INSR: variants seen among roughly 807,000 people sequenced by gnomAD.
INSR encodes the protein IR.
INSR carries 67 observed loss-of-function variants against 142.6 expected under a neutral mutation model. The observed-to-expected ratio is 0.47, with a 90% confidence interval of 0.39 to 0.58. The LOEUF (loss-of-function observed/expected upper bound fraction) is 0.58. INSR is among the 20% of genes least tolerant of loss of function. INSR has a pLI of 0.00. For missense variants in INSR, 1,248 were observed against 1,833.2 expected (o/e 0.68, Z 5.83); for synonymous variants, 756 against 743.1 (o/e 1.02, Z -0.28).
At chr19:7,244,170 T>C (rs1205205079) in intron 2 of INSR, among the ~76,000 whole-genome samples, 1 of 152,160 alleles carries the variant, frequency 6.6e-6, no homozygotes, top group African/African-American at 2.4e-5. Context: ...AACTCTGTGA[T>C]ACAGAAATCA....
intron 8 of INSR, among the ~76,000 whole-genome samples, chr19:7,163,948 A>AAAAAAAAAAAAAAAAATATATATATATAT (rs1411048837): frequency 3.7e-5 from 5 of 136,138 alleles, no homozygotes; most frequent in African/African-American, 1.6e-4. Flanking sequence ...AAAAAAAAAA[A>AAAAAAAAAAAAAAAAATATATATATATAT]ATTAGCTGGA....
At chr19:7,229,468 C>G (rs1233931147) in intron 2 of INSR, among the ~76,000 whole-genome samples, 2 of 152,172 alleles carry the variant, frequency 1.3e-5, no homozygotes, top group Non-Finnish European at 2.9e-5. Flanking sequence ...AGCAAAATCA[C>G]AAAACATTTC....
In INSR at chr19:7,294,151, G is replaced by A. The variant is rs567923154; in HGVS notation, c.-260C>T. On this transcript the variant is annotated 5_prime_UTR_variant, in exon 1 of 22. Transcript: ENST00000302850. ...CGACCCCCCGGCCGCTGCGGCCCGG[G>A]CCCCGTCCCAGGATCTCGGGGCCCG... is the stretch of plus-strand genomic sequence containing the variant. The A allele has an allele frequency of 3.8e-5, 7 of 182,692 alleles. 1 individual carries two copies. Among genetic ancestry groups the A allele is most frequent in the Admixed American group, 3.7e-4 (6 of 16,026 alleles). The allele number at this position is 182,692 out of a possible 1,614,324, so 11.3% of individuals were successfully genotyped here.
At chr19:7,122,507 C>G in intron 19 of INSR, 107 bp downstream of exon 19, 2 of 1,198,214 alleles carry the variant, frequency 1.7e-6, no homozygotes, top group Admixed American at 3.5e-5. Context: ...AGTATCTTGC[C>G]CCTTTATATT....
chr19:7,122,828 A>G (rs1972526506), intron 18 of INSR, 51 bp downstream of exon 18: 3 of 1,612,490 alleles, frequency 1.9e-6, no homozygotes, highest in Non-Finnish European at 2.5e-6. Context: ...CGAGGAGGCC[A>G]GGAGCGGGTG....
chr19:7,150,480 G>A lies in INSR; in HGVS notation c.2267+17C>T, dbSNP rs41509747. The A allele has an allele frequency of 0.012, 18,897 of 1,613,058 alleles. 1,062 individuals carry two copies. The African/African-American group carries it at 0.14, about 12-fold the overall frequency. On this transcript the variant is annotated intron_variant, in intron 11 of 21. Transcript: ENST00000302850. The surrounding 1 kb of genome is among the most constrained non-coding windows in gnomAD (Gnocchi z 4.2). ...CTGCGCGGAGCAGGCACCAGGGGTC[G>A]CACAGGTGAGTCATACCTAGGGTCC...
At chr19:7,242,018 G>T (rs1462442684) in intron 2 of INSR, among the ~76,000 whole-genome samples, 1 of 151,998 alleles carries the variant, frequency 6.6e-6, no homozygotes, top group African/African-American at 2.4e-5. Flanking sequence ...CAGGTATGGT[G>T]GTATGCACCT....
rs188879994 is a variant in INSR at position 7,200,392 on chromosome 19, C to T, written c.653-15755G>A. 2.5e-3 allele frequency among the ~76,000 whole-genome samples: 383 copies of T among 152,166 alleles called. 2 individuals carry two copies. Among genetic ancestry groups the T allele is most frequent in the Non-Finnish European group, 2.4e-3 (165 of 68,006 alleles). Reference sequence around the variant, plus strand: ...ACAGCAAACCAAAAAGACAGGTGCTCACATGTGGACAATCTGGGTTTGAGG... The same window carrying T: ...ACAGCAAACCAAAAAGACAGGTGCTTACATGTGGACAATCTGGGTTTGAGG... On this transcript the variant is annotated intron_variant, in intron 2 of 21. Coordinates refer to ENST00000302850, the MANE Select transcript of INSR (RefSeq NM_000208.4).
chr19:7,247,488 C>T (rs1976572261), intron 2 of INSR, among the ~76,000 whole-genome samples: 1 of 152,092 alleles, frequency 6.6e-6, no homozygotes, highest in Admixed American at 6.6e-5. Context: ...CTCTCTATTC[C>T]AGGGACTCTC....
chr19:7,172,255 G>C, intron 5 of INSR, 35 bp downstream of exon 5: 2 of 1,611,728 alleles, frequency 1.2e-6, no homozygotes, highest in Non-Finnish European at 1.7e-6. Context: ...TTCCTAGTTA[G>C]CACTCAGGCC....
intron 2 of INSR, among the ~76,000 whole-genome samples, chr19:7,222,488 C>T (rs1050183988): frequency 2.6e-5 from 4 of 152,052 alleles, no homozygotes; most frequent in Non-Finnish European, 4.4e-5. Flanking sequence ...CAAACTCCTG[C>T]GGTCAAGCAA....
At position 7,143,007 on chromosome 19, in the gene INSR, G is replaced by A. The variant is rs753688285; in HGVS notation, c.2351C>T (p.Ser784Phe). ...VPTVAAFPNT[S>F]STSVPTSPEE... ...CGGACTCGTGGGCACGCTGGTCGAG[G>A]AAGTGTTGGGGAAAGCTGCCACCGT... The change falls in exon 12 of 22, where the codon TCC becomes TTC. Residue 784 changes from serine to phenylalanine, a missense_variant. Coordinates refer to ENST00000302850, the MANE Select transcript of INSR (RefSeq NM_000208.4). 4 of 1,614,058 alleles carry A rather than the reference G, an allele frequency of 2.5e-6. No individual in the cohort carries two copies. The Admixed American group carries it at 6.7e-5, about 27-fold the overall frequency.
intron 2 of INSR, among the ~76,000 whole-genome samples, chr19:7,215,323 G>A (rs929220744): frequency 2.0e-5 from 3 of 152,104 alleles, no homozygotes; most frequent in African/African-American, 7.2e-5. Flanking sequence ...TATGCCCCTT[G>A]TGTCACTGTC....
chr19:7,221,125 G>A (rs1167389441), intron 2 of INSR, among the ~76,000 whole-genome samples: 1 of 152,168 alleles, frequency 6.6e-6, no homozygotes, highest in African/African-American at 2.4e-5. Context: ...TGTAATCCCA[G>A]CACTTTGGGA....
chr19:7,114,964 A>AAAT lies in INSR; in HGVS notation c.*2089_*2091dup, dbSNP rs1046993442. 2.0e-5 allele frequency: 3 copies of AAAT among 152,144 alleles called. No individual in the cohort carries two copies. Among genetic ancestry groups the AAAT allele is most frequent in the African/African-American group, 7.2e-5 (3 of 41,440 alleles). 9.4% of individuals were successfully genotyped at this position (152,144 alleles called of 1,614,324 possible). A position where few individuals can be genotyped will look rare whatever the true frequency, so the allele number is the denominator to read the frequency against. On this transcript the variant is annotated 3_prime_UTR_variant, in exon 22 of 22. Coordinates refer to ENST00000302850, the MANE Select transcript of INSR (RefSeq NM_000208.4). ...CATATTTACAAAATAAATTTGGCAA[A>AAAT]AATAATTTCTGTACTCTTGCTTCTT...
At chr19:7,215,595 T>C (rs1299762854) in intron 2 of INSR, among the ~76,000 whole-genome samples, 1 of 151,214 alleles carries the variant, frequency 6.6e-6, no homozygotes, top group Non-Finnish European at 1.5e-5. Flanking sequence ...TGAGATGGAG[T>C]CTTGCTCTGT....
chr19:7,290,153 C>T (rs1178302427), intron 1 of INSR, among the ~76,000 whole-genome samples: 1 of 152,156 alleles, frequency 6.6e-6, no homozygotes, highest in African/African-American at 2.4e-5. Flanking sequence ...GCCTGTGATC[C>T]CAGCACTTCG....
intron 2 of INSR, among the ~76,000 whole-genome samples, chr19:7,245,178 C>A (rs1242597047): frequency 2.0e-5 from 3 of 151,966 alleles, no homozygotes; most frequent in East Asian, 1.9e-4. Flanking sequence ...CCTCGTGATC[C>A]ACCTGCCTCG....
intron 3 of INSR, among the ~76,000 whole-genome samples, chr19:7,177,614 G>A (rs1023808202): frequency 5.3e-5 from 8 of 150,754 alleles, no homozygotes; most frequent in South Asian, 2.1e-4. Context: ...TGCAAGCTCC[G>A]CCTCCCAGGT....
Sources: gnomAD v4.1 joint callset for allele counts (sites outside exome capture counted in the v4.1 genomes callset) on GRCh38, gnomAD v4.1.1 for gene constraint, Gnocchi (gnomAD v3.1) non-coding constraint, MANE v1.5 for transcripts, NCBI Gene and HGNC (gene_info 2026-07-23, HGNC 2026-07-21) for gene names.